Variants in SMG6 observed in about 807,000 individuals in gnomAD.
The protein encoded by SMG6 is telomerase-binding protein EST1A.
SMG6 carries 66 observed loss-of-function variants against 142.2 expected under a neutral mutation model. That is an observed-to-expected ratio of 0.46 (90% CI 0.38 to 0.57). The LOEUF is 0.57. Among genes scored for constraint, SMG6 ranks in the 20% least tolerant of loss-of-function variants. SMG6 has a pLI of 0.00. For synonymous variants in SMG6, 779 were observed against 702.4 expected (o/e 1.11, Z -1.72); for missense variants, 1,793 against 1,832.0 (o/e 0.98, Z 0.39).
At position 2,292,981 on chromosome 17, in the gene SMG6, C is replaced by T. The variant is rs2075072222; in HGVS notation, c.2152-4G>A. The T allele has an allele frequency of 1.2e-6, 2 of 1,604,564 alleles. No homozygotes were observed. Among genetic ancestry groups the T allele is most frequent in the East Asian group, 4.5e-5 (2 of 44,860 alleles). ...CACTGATCAAGGCATATTTTACCTT[C>T]AGGAAAAACAACCAGTTAGTAGAAA... On this transcript the variant is annotated splice_polypyrimidine_tract_variant and splice_region_variant and intron_variant, in intron 4 of 18. Transcript: ENST00000263073.
At chr17:2,254,489 C>G (rs1178680150) in intron 8 of SMG6, among the ~76,000 whole-genome samples, 2 of 152,146 alleles carry the variant, frequency 1.3e-5, no homozygotes, top group African/African-American at 4.8e-5. Context: ...CACGTGCCAC[C>G]AAGCCCGGCC....
In SMG6 at chr17:2,081,674, C is replaced by T. The variant is rs1413392678; in HGVS notation, c.3681+136G>A. ...CAGAATTTAGTGGTAGAGTGAAAAACGGGTAGAGCTAGAGAGAACACTGCA... is the reference window on the plus strand; with the variant it reads ...CAGAATTTAGTGGTAGAGTGAAAAATGGGTAGAGCTAGAGAGAACACTGCA... On this transcript the variant is annotated intron_variant, in intron 15 of 18. Transcript: ENST00000263073. 29 of 1,047,698 alleles carry T rather than the reference C, an allele frequency of 2.8e-5. No homozygotes were observed. In the Middle Eastern group the frequency reaches 9.8e-4, roughly 35 times the overall value. The allele number at this position is 1,047,698 out of a possible 1,614,324, so 64.9% of individuals were successfully genotyped here. A position where few individuals can be genotyped will look rare whatever the true frequency, so the allele number is the denominator to read the frequency against.
At chr17:2,103,283 C>A (rs2069062167) in intron 13 of SMG6, among the ~76,000 whole-genome samples, 2 of 152,274 alleles carry the variant, frequency 1.3e-5, no homozygotes, top group Middle Eastern at 3.4e-3. Context: ...GGGGACAGTG[C>A]CAAGAGCTGG....
rs376235460 is a variant in SMG6, at chr17:2,132,929, G to A, written c.3357+39729C>T. Among the ~76,000 whole-genome samples the A allele has an allele frequency of 3.3e-5, 5 of 152,276 alleles. No homozygotes were observed. The South Asian group carries it at 8.3e-4, about 25-fold the overall frequency. ...CCCAGGAAGCTGGGACTACAGGCAC[G>A]TGCTACCATGTCTGGCTAATTTTTG... On this transcript the variant is annotated intron_variant, in intron 13 of 18. Coordinates refer to ENST00000263073, the MANE Select transcript of SMG6 (RefSeq NM_017575.5).
At chr17:2,231,337 T>C (rs2073486880) in intron 10 of SMG6, among the ~76,000 whole-genome samples, 1 of 152,100 alleles carries the variant, frequency 6.6e-6, no homozygotes, top group East Asian at 1.9e-4. Context: ...TAGCTCTCTC[T>C]CCCTCTGGAG....
intron 5 of SMG6, 114 bp from the exon 6 acceptor site, chr17:2,292,744 G>A (rs1306030777): frequency 1.4e-6 from 2 of 1,444,178 alleles, no homozygotes; most frequent in African/African-American, 1.4e-5. Flanking sequence ...TAACCCTGGA[G>A]GGGTAAGGCA....
intron 13 of SMG6, among the ~76,000 whole-genome samples, chr17:2,144,255 C>T (rs908561294): frequency 6.6e-6 from 1 of 151,892 alleles, no homozygotes; most frequent in Non-Finnish European, 1.5e-5. Flanking sequence ...GACGGGGTTT[C>T]GCCTTGTTGA....
chr17:2,082,008 A>G, intron 14 of SMG6, 52 bp from the exon 15 acceptor site: 2 of 1,604,852 alleles, frequency 1.2e-6, no homozygotes, highest in Middle Eastern at 1.7e-4. Flanking sequence ...AGCTGGGCCC[A>G]TGGCTCTTAC....
intron 13 of SMG6, among the ~76,000 whole-genome samples, chr17:2,103,309 A>G (rs1422773758): frequency 6.6e-6 from 1 of 152,112 alleles, no homozygotes; most frequent in African/African-American, 2.4e-5. Context: ...GCCTTTTTGG[A>G]AGGGTTAAAG....
intron 14 of SMG6, among the ~76,000 whole-genome samples, chr17:2,084,676 T>C (rs375568520): frequency 6.6e-6 from 1 of 152,212 alleles, no homozygotes. Context: ...GCAGGCCAAA[T>C]GACTGTGTTG....
chr17:2,134,537 T>C (rs2070231426), intron 13 of SMG6, among the ~76,000 whole-genome samples: 1 of 151,274 alleles, frequency 6.6e-6, no homozygotes, highest in Non-Finnish European at 1.5e-5. Context: ...GTTTTATCTA[T>C]GAAAATGAAA....
intron 15 of SMG6, among the ~76,000 whole-genome samples, chr17:2,076,860 A>G (rs2068273846): frequency 6.6e-6 from 1 of 152,222 alleles, no homozygotes; most frequent in Admixed American, 6.5e-5. Flanking sequence ...GGCCCGCAGC[A>G]GGCCTTCCAT....
At chr17:2,124,910 C>T (rs529931046) in intron 13 of SMG6, among the ~76,000 whole-genome samples, 18 of 152,234 alleles carry the variant, frequency 1.2e-4, no homozygotes, top group African/African-American at 4.1e-4. Context: ...TGATTGGCAC[C>T]GAAAGGCATT....
intron 13 of SMG6, among the ~76,000 whole-genome samples, chr17:2,150,959 C>T (rs1018810705): frequency 3.3e-5 from 5 of 151,814 alleles, no homozygotes; most frequent in African/African-American, 2.4e-5. Flanking sequence ...TTTCCTATGG[C>T]GTGCTGCCGC....
intron 13 of SMG6, among the ~76,000 whole-genome samples, chr17:2,109,420 C>A (rs575519298): frequency 2.0e-4 from 31 of 152,214 alleles, no homozygotes; most frequent in African/African-American, 6.7e-4. Context: ...CGTGCCACCA[C>A]GCCTGGTTAA....
chr17:2,298,547 G>A (rs1431539820), intron 2 of SMG6, among the ~76,000 whole-genome samples: 2 of 151,848 alleles, frequency 1.3e-5, no homozygotes, highest in African/African-American at 4.8e-5. Flanking sequence ...GTGAAACTCC[G>A]TCTCTCTAAA....
chr17:2,276,873 C>T (rs1270154093), intron 8 of SMG6, among the ~76,000 whole-genome samples: 1 of 152,094 alleles, frequency 6.6e-6, no homozygotes, highest in East Asian at 1.9e-4. Context: ...CCTCCACCTC[C>T]CGGGTTCAAG....
chr17:2,080,987 G>A (rs2068407198), intron 15 of SMG6, among the ~76,000 whole-genome samples: 1 of 152,162 alleles, frequency 6.6e-6, no homozygotes, highest in African/African-American at 2.4e-5. Context: ...TGAATGATTT[G>A]CCCCATGTTA....
intron 10 of SMG6, among the ~76,000 whole-genome samples, chr17:2,219,833 GA>G (rs1407061047): frequency 6.8e-6 from 1 of 146,336 alleles, no homozygotes; most frequent in East Asian, 2.0e-4. Context: ...AAAAGAAAAA[GA>G]AAAAAGAAAA....
Sources: allele counts gnomAD v4.1 joint callset (sites outside exome capture counted in the v4.1 genomes callset), GRCh38; gene constraint gnomAD v4.1.1; transcripts MANE v1.5; gene names NCBI Gene and HGNC (gene_info 2026-07-23, HGNC 2026-07-21).